MRM1: variants seen among roughly 807,000 people sequenced by gnomAD.
The protein encoded by MRM1 is mitochondrial rRNA methyltransferase 1.
In MRM1, 24 loss-of-function variants were observed where a neutral mutation model predicts 25.0. The observed-to-expected ratio is 0.96, with a 90% CI of 0.69 to 1.35. MRM1 has a LOEUF of 1.35. Among genes scored for constraint, MRM1 ranks in the 40% most tolerant of loss-of-function variants. MRM1 has a pLI of 0.00. For synonymous variants in MRM1, 188 were observed against 199.2 expected (o/e 0.94, Z 0.47); for missense variants, 431 against 464.1 (o/e 0.93, Z 0.65).
chr17:36,601,627 G>A lies in MRM1; in HGVS notation c.-184G>A. ...CCACGTGGGAGCCTGGGAGCGGGTG[G>A]TCGTAGCTCGGTAGTCCAGTTGTGG... On this transcript the variant is annotated 5_prime_UTR_variant, in exon 1 of 5. Coordinates refer to ENST00000614766, the MANE Select transcript of MRM1 (RefSeq NM_024864.5). The A allele has an allele frequency of 1.7e-6, 1 of 577,328 alleles. No individual in the cohort carries two copies. The highest frequency in any genetic ancestry group is 2.8e-6 in the Non-Finnish European group (1 of 362,260). The allele number at this position is 577,328 out of a possible 1,614,324, so 35.8% of individuals were successfully genotyped here.
chr17:36,615,794 A>G, the MRM1 span, among the ~76,000 whole-genome samples: 1 of 152,054 alleles, frequency 6.6e-6, no homozygotes, highest in Non-Finnish European at 1.5e-5. Context: ...TCAGAAGTTC[A>G]AGACCAGCCT....
In MRM1 at chr17:36,602,053, G is replaced by T. The variant is rs1046096411; in HGVS notation, c.243G>T (p.Leu81=). ...RLLLQAGKAG[L]QGKRAELLRM... is the part of the protein sequence containing the mutation. ...TGCTCCAGGCGGGTAAAGCTGGGCTGCAGGGGAAGCGGGCCGAGCTGCTCC... is the reference window on the plus strand; with the variant it reads ...TGCTCCAGGCGGGTAAAGCTGGGCTTCAGGGGAAGCGGGCCGAGCTGCTCC... The change falls in exon 1 of 5, where the codon CTG becomes CTT. Residue 81 remains leucine, a synonymous_variant. Coordinates refer to ENST00000614766, the MANE Select transcript of MRM1 (RefSeq NM_024864.5). This position sits in a 1 kb window ranked among gnomAD's most constrained non-coding sequence, Gnocchi z 4.1. 3.1e-6 allele frequency: 5 copies of T among 1,609,994 alleles called. No homozygotes were observed. The Admixed American group carries it at 5.0e-5, about 16-fold the overall frequency.
chr17:36,620,288 A>G, the MRM1 span, among the ~76,000 whole-genome samples: 1 of 130,306 alleles, frequency 7.7e-6, no homozygotes, highest in Non-Finnish European at 1.6e-5. Context: ...TGCTGTCAAT[A>G]ATTCTGCCTT....
the MRM1 span, among the ~76,000 whole-genome samples, chr17:36,625,717 C>G: frequency 6.6e-6 from 1 of 152,160 alleles, no homozygotes; most frequent in Admixed American, 6.5e-5. Context: ...CTGCCTTGGC[C>G]TCCCAAAGTG....
chr17:36,609,538 C>T (rs1393119114), downstream of MRM1, among the ~76,000 whole-genome samples: 3 of 152,360 alleles, frequency 2.0e-5, no homozygotes, highest in Admixed American at 2.0e-4. Context: ...CCGACCTATA[C>T]GCACTAGATG....
At chr17:36,616,528 G>A in the MRM1 span, among the ~76,000 whole-genome samples, 2 of 152,216 alleles carry the variant, frequency 1.3e-5, no homozygotes, top group Admixed American at 6.5e-5. Context: ...TGTGCATGGG[G>A]CTGGATCTTG....
In MRM1 at chr17:36,602,195, C is replaced by T. The variant is rs1260829720; in HGVS notation, c.385C>T (p.Arg129Trp). Residue 129 changes from arginine (R) to tryptophan (W), a missense_variant, in exon 1 of 5, where the codon CGG becomes TGG. Coordinates refer to ENST00000614766, the MANE Select transcript of MRM1 (RefSeq NM_024864.5). The surrounding 1 kb of genome is among the most constrained non-coding windows in gnomAD (Gnocchi z 4.1). ...CATGGAGGTGAGCCCGCTGCGGCCCCGGCCTTGGAGAGAGGCCGGGGAGGC... is the reference window on the plus strand; with the variant it reads ...CATGGAGGTGAGCCCGCTGCGGCCCTGGCCTTGGAGAGAGGCCGGGGAGGC... ...VCMEVSPLRPRPWREAGEASP... is the reference protein window; with the variant it reads ...VCMEVSPLRPWPWREAGEASP... 6.2e-7 allele frequency: 1 copy of T among 1,610,824 alleles called. No individual in the cohort carries two copies. Among genetic ancestry groups the T allele is most frequent in the African/African-American group, 1.3e-5 (1 of 75,002 alleles).
chr17:36,620,012 T>C, the MRM1 span, among the ~76,000 whole-genome samples: 3 of 152,212 alleles, frequency 2.0e-5, no homozygotes, highest in Non-Finnish European at 2.9e-5. Flanking sequence ...GAAATGTCCA[T>C]TCGTGCTCTT....
chr17:36,608,795 A>C lies in MRM1; in HGVS notation c.*380A>C. On this transcript the variant is annotated 3_prime_UTR_variant, in exon 5 of 5. Coordinates refer to ENST00000614766, the MANE Select transcript of MRM1 (RefSeq NM_024864.5). ...GCCTGTGGCAAATGTGTGTATGAGAATGTGGGGGGTGGAGGGCGGGGCCCT... is the reference window on the plus strand; with the variant it reads ...GCCTGTGGCAAATGTGTGTATGAGACTGTGGGGGGTGGAGGGCGGGGCCCT... 14 of 156,246 alleles carry C rather than the reference A, an allele frequency of 9.0e-5. No individual in the cohort carries two copies. Among genetic ancestry groups the C allele is most frequent in the Non-Finnish European group, 1.4e-4 (10 of 72,392 alleles). The allele number at this position is 156,246 out of a possible 1,614,324, so 9.7% of individuals were successfully genotyped here. A position where few individuals can be genotyped will look rare whatever the true frequency, so the allele number is the denominator to read the frequency against.
chr17:36,607,670 A>C lies in MRM1; in HGVS notation c.637A>C (p.Thr213Pro). The change falls in exon 3 of 5, where the codon ACC becomes CCC. Residue 213 changes from threonine (T) to proline (P), a missense_variant and splice_region_variant. Transcript: ENST00000614766. ...GAACATATCTTCTTCCCCCTTTCAGACCAAAGCCCAGCAGGGCTGGCTCGT... is the reference window on the plus strand; with the variant it reads ...GAACATATCTTCTTCCCCCTTTCAGCCCAAAGCCCAGCAGGGCTGGCTCGT... ...STDDLTGFLQ[T>P]KAQQGWLVAG... The C allele has an allele frequency of 1.9e-6, 3 of 1,611,602 alleles. No homozygotes were observed.
chr17:36,630,545 TG>T, the MRM1 span, among the ~76,000 whole-genome samples: 1 of 152,144 alleles, frequency 6.6e-6, no homozygotes, highest in African/African-American at 2.4e-5. Flanking sequence ...GCAGTCTGCT[TG>T]CCTACTTCCC....
rs1166220941 is a variant in MRM1 at position 36,602,723 on chromosome 17, C to G, written c.636+77C>G. ...TCAAGGGGACGAAGCTAGCCCCTGG[C>G]GAGGGAGAGAAAGGGGCATGTTGGC... On this transcript the variant is annotated intron_variant, in intron 2 of 4. Coordinates refer to ENST00000614766, the MANE Select transcript of MRM1 (RefSeq NM_024864.5). This position sits in a 1 kb window ranked among gnomAD's most constrained non-coding sequence, Gnocchi z 4.1. 8.5e-6 allele frequency: 13 copies of G among 1,537,094 alleles called. No individual in the cohort carries two copies. The South Asian group carries it at 1.3e-4, about 16-fold the overall frequency.
Position 36,602,855 on chromosome 17 carries a change from C to T in MRM1, c.636+209C>T. ...AATTCTTCCTAGCGTTATACCCTTT[C>T]CTGCACCCCTTCCCCAGGTATGCAC... On this transcript the variant is annotated intron_variant, in intron 2 of 4. Coordinates refer to ENST00000614766, the MANE Select transcript of MRM1 (RefSeq NM_024864.5). This position sits in a 1 kb window ranked among gnomAD's most constrained non-coding sequence, Gnocchi z 4.1. The T allele has an allele frequency of 1.2e-6, 1 of 848,416 alleles. No individual in the cohort carries two copies. The highest frequency in any genetic ancestry group is 1.8e-5 in the African/African-American group (1 of 54,530). The allele number at this position is 848,416 out of a possible 1,614,324, so 52.6% of individuals were successfully genotyped here.
Position 36,602,680 on chromosome 17 carries a change from G to A in MRM1, c.636+34G>A, listed in dbSNP as rs1299503652. 1 of 1,610,588 alleles carries A rather than the reference G, an allele frequency of 6.2e-7. No homozygotes were observed. Among genetic ancestry groups the A allele is most frequent in the Non-Finnish European group, 8.5e-7 (1 of 1,176,874 alleles). On this transcript the variant is annotated intron_variant, in intron 2 of 4. Coordinates refer to ENST00000614766, the MANE Select transcript of MRM1 (RefSeq NM_024864.5). This position sits in a 1 kb window ranked among gnomAD's most constrained non-coding sequence, Gnocchi z 4.1. ...GGGCAAGAGGGGAAGGAACAGATGT[G>A]AGCCCAGCTCAGCCTCTTCAAGGGG...
At chr17:36,623,759 G>C in the MRM1 span, among the ~76,000 whole-genome samples, 2 of 152,176 alleles carry the variant, frequency 1.3e-5, no homozygotes, top group Non-Finnish European at 2.9e-5. Context: ...CTTGAGGCTT[G>C]TTGGGATTGG....
At chr17:36,612,189 C>T (rs1314677421), downstream of MRM1, among the ~76,000 whole-genome samples, 2 of 152,128 alleles carry the variant, frequency 1.3e-5, no homozygotes, top group Non-Finnish European at 2.9e-5. Flanking sequence ...TCAGCTTTCC[C>T]TGTCCCAGTG....
At chr17:36,605,565 T>A (rs896352016) in intron 2 of MRM1, among the ~76,000 whole-genome samples, 37 of 151,094 alleles carry the variant, frequency 2.4e-4, no homozygotes, top group Non-Finnish European at 3.2e-4. Flanking sequence ...CCCGCCCAAG[T>A]GTATACTCCA....
rs1405680022 is a variant in MRM1, at chr17:36,608,652, G to A, written c.*237G>A. 3 of 403,924 alleles carry A rather than the reference G, an allele frequency of 7.4e-6. No homozygotes were observed. In the East Asian group the frequency reaches 1.1e-4, roughly 14 times the overall value. The allele number at this position is 403,924 out of a possible 1,614,324, so 25.0% of individuals were successfully genotyped here. On this transcript the variant is annotated 3_prime_UTR_variant, in exon 5 of 5. Transcript: ENST00000614766. ...TTAATTTCCATGGGAAGCCATGATG[G>A]CCTAGCATGGAGGGAATCTGTTCCC...
chr17:36,609,404 C>T (rs1396628733), downstream of MRM1, among the ~76,000 whole-genome samples: 1 of 152,222 alleles, frequency 6.6e-6, no homozygotes, highest in Admixed American at 6.5e-5. Flanking sequence ...GTCTAATGTG[C>T]AGCCAAGGCT....
Sources: gnomAD v4.1 joint callset for allele counts (sites outside exome capture counted in the v4.1 genomes callset) on GRCh38, gnomAD v4.1.1 for gene constraint, Gnocchi (gnomAD v3.1) non-coding constraint, MANE v1.5 for transcripts, NCBI Gene and HGNC (gene_info 2026-07-23, HGNC 2026-07-21) for gene names.